The following RBFOX2 variants were observed in gnomAD, a reference collection of about 807,000 sequenced individuals.
The protein encoded by RBFOX2 is RNA binding fox-1 homolog 2.
RBFOX2 carries 10 observed loss-of-function variants against 49.1 expected under a neutral mutation model. The ratio of observed to expected loss-of-function variants is 0.20; its 90% CI spans 0.13 to 0.35. The LOEUF is 0.35. RBFOX2 is among the 10% of genes least tolerant of loss of function. The pLI, the probability that RBFOX2 is intolerant of heterozygous loss-of-function variation, is 1.00. For synonymous variants in RBFOX2, 183 were observed against 187.4 expected, an observed-to-expected ratio of 0.98 and a Z score of 0.19; for missense variants, 323 against 486.9, an observed-to-expected ratio of 0.66 and a Z score of 3.17.
chr22:35,849,298 A>AACACACACACACACACACAC (rs61515031), intron 1 of RBFOX2, among the ~76,000 whole-genome samples: 31 of 133,218 alleles, frequency 2.3e-4, no homozygotes, highest in Admixed American at 5.1e-4. Flanking sequence ...TACACACACA[A>AACACACACACACACACACAC]ACACACACAC....
At chr22:36,022,781 A>C (rs1352709798) in intron 1 of RBFOX2, among the ~76,000 whole-genome samples, 1 of 152,126 alleles carries the variant, frequency 6.6e-6, no homozygotes, top group Non-Finnish European at 1.5e-5. Flanking sequence ...AGAGGAAGAG[A>C]CCACTGACTC....
chr22:35,956,069 ATTT>A (rs1372596954), intron 1 of RBFOX2, among the ~76,000 whole-genome samples: 1 of 151,960 alleles, frequency 6.6e-6, no homozygotes, highest in Non-Finnish European at 1.5e-5. Context: ...CTTGGAATAG[ATTT>A]TTTTTGCCTA....
intron 1 of RBFOX2, among the ~76,000 whole-genome samples, chr22:36,015,969 G>T (rs1001991945): frequency 1.3e-5 from 2 of 152,160 alleles, no homozygotes; most frequent in Non-Finnish European, 2.9e-5. Context: ...TAACTATGTA[G>T]CTGCTTTTCC....
At chr22:35,986,555 A>T in intron 1 of RBFOX2, among the ~76,000 whole-genome samples, 1 of 152,206 alleles carries the variant, frequency 6.6e-6, no homozygotes, top group East Asian at 1.9e-4. Flanking sequence ...TTGAAAGCAG[A>T]CAATGTTTTC....
rs796797222 is a variant in RBFOX2, at chr22:36,015,412, G to GC, written c.186+12827dup. Among the ~76,000 whole-genome samples the GC allele has an allele frequency of 5.9e-5, 9 of 152,304 alleles. 1 individual carries two copies. The highest frequency in any genetic ancestry group is 2.2e-4 in the African/African-American group (9 of 41,568). On this transcript the variant is annotated intron_variant, in intron 1 of 13. Coordinates refer to the RBFOX2 transcript ENST00000438146. ...GTACTACCAACTCCCTGTAAGCTTT[G>GC]CCAAAGGGGAAACTTCCTGAAGTTC...
intron 2 of RBFOX2, among the ~76,000 whole-genome samples, chr22:35,801,782 G>A (rs1195848403): frequency 1.3e-5 from 2 of 152,018 alleles, no homozygotes; most frequent in African/African-American, 2.4e-5. Flanking sequence ...CTGAGATCAC[G>A]CCACTGCACT....
At chr22:35,905,250 G>A (rs1040742327) in intron 1 of RBFOX2, among the ~76,000 whole-genome samples, 2 of 152,036 alleles carry the variant, frequency 1.3e-5, no homozygotes, top group African/African-American at 4.8e-5. Flanking sequence ...GTTAGAGGCA[G>A]CCAACATAGG....
intron 2 of RBFOX2, among the ~76,000 whole-genome samples, chr22:35,782,408 A>G (rs528216044): frequency 3.9e-4 from 59 of 152,074 alleles, no homozygotes; most frequent in African/African-American, 1.4e-3. Flanking sequence ...TGCAAGCTCC[A>G]CTTCCCGGGT....
intron 1 of RBFOX2, among the ~76,000 whole-genome samples, chr22:35,857,660 C>T (rs1486309824): frequency 2.0e-5 from 3 of 152,184 alleles, no homozygotes; most frequent in African/African-American, 7.2e-5. Context: ...TGAGATTCCT[C>T]TCCCACACTG....
intron 1 of RBFOX2, among the ~76,000 whole-genome samples, chr22:35,948,401 T>A (rs907929429): frequency 6.6e-6 from 1 of 152,134 alleles, no homozygotes; most frequent in African/African-American, 2.4e-5. Context: ...AGTACATAAA[T>A]AATAAATAAA....
intron 5 of RBFOX2, among the ~76,000 whole-genome samples, chr22:35,766,244 T>A (rs1940906003): frequency 6.6e-6 from 1 of 152,176 alleles, no homozygotes; most frequent in Non-Finnish European, 1.5e-5. Flanking sequence ...TGAATGGAAC[T>A]AAGATGTCAG....
chr22:35,897,778 C>A, intron 1 of RBFOX2: 1 of 759,424 alleles, frequency 1.3e-6, no homozygotes, highest in South Asian at 1.3e-5. Flanking sequence ...TCTATCCTCT[C>A]TTCCAAAGAT....
At chr22:35,808,731 C>A (rs1951229344) in intron 2 of RBFOX2, among the ~76,000 whole-genome samples, 2 of 151,960 alleles carry the variant, frequency 1.3e-5, no homozygotes, top group African/African-American at 4.8e-5. Context: ...TGCTTGTAGT[C>A]CCAGCTAGAT....
At position 35,868,589 on chromosome 22, in the gene RBFOX2, T is replaced by TA. The variant is rs969232134; in HGVS notation, c.-33-58586dup. On this transcript the variant is annotated intron_variant, in intron 1 of 13. Transcript: ENST00000359369. ...ACATAGTCAGGCCCTGTCTCTATTTTAAAAAAAAAAAAATTAAAAACTAGC... is the reference window on the plus strand; with the variant it reads ...ACATAGTCAGGCCCTGTCTCTATTTTAAAAAAAAAAAAAATTAAAAACTAGC... Among the ~76,000 whole-genome samples, 300 of 147,036 alleles carry TA rather than the reference T, an allele frequency of 2.0e-3. 1 individual carries two copies. Among genetic ancestry groups the TA allele is most frequent in the Middle Eastern group, 7.1e-3 (2 of 282 alleles).
chr22:35,827,931 C>T lies in RBFOX2; in HGVS notation c.27+12261G>A, dbSNP rs537635579. ...CCTGTAATCCCAGCACTTTGGGAGG[C>T]CGAGGTGGGCAGATCACCTGAGGTC... On this transcript the variant is annotated intron_variant, in intron 1 of 11. Coordinates refer to ENST00000405409, the Ensembl canonical transcript of RBFOX2. Among the ~76,000 whole-genome samples, 20 of 152,274 alleles carry T rather than the reference C, an allele frequency of 1.3e-4. No individual in the cohort carries two copies. In the Middle Eastern group the frequency reaches 0.017, roughly 129 times the overall value.
intron 2 of RBFOX2, 48 bp downstream of exon 3, chr22:35,809,730 CTA>C (rs1951460198): frequency 6.4e-7 from 1 of 1,569,616 alleles, no homozygotes; most frequent in Non-Finnish European, 8.8e-7. Flanking sequence ...GCGACAATTT[CTA>C]TATGATTGCC....
chr22:35,913,164 T>C (rs2050013894), intron 1 of RBFOX2, among the ~76,000 whole-genome samples: 1 of 152,068 alleles, frequency 6.6e-6, no homozygotes. Flanking sequence ...AAAAAGCTAT[T>C]TTCTCTGTGA....
intron 1 of RBFOX2, among the ~76,000 whole-genome samples, chr22:35,854,296 G>A (rs1396438390): frequency 1.3e-5 from 2 of 152,022 alleles, no homozygotes; most frequent in East Asian, 3.9e-4. Flanking sequence ...TAAGACTAGA[G>A]GATATAGGCT....
At chr22:35,995,931 T>A (rs999541786) in intron 1 of RBFOX2, 1 of 152,140 alleles carries the variant, frequency 6.6e-6, no homozygotes, top group South Asian at 2.1e-4. Flanking sequence ...CAGACGATTA[T>A]GGAAAAAAGC....
Sources: allele counts gnomAD v4.1 joint callset (sites outside exome capture counted in the v4.1 genomes callset), GRCh38; gene constraint gnomAD v4.1.1; transcripts MANE v1.5; gene names NCBI Gene and HGNC (gene_info 2026-07-23, HGNC 2026-07-21).